SLC13A5: variants seen among roughly 807,000 people sequenced by gnomAD.
The protein encoded by SLC13A5 is Na(+)/citrate cotransporter.
A neutral mutation model predicts 56.5 loss-of-function variants in SLC13A5; 25 were observed. The ratio of observed to expected loss-of-function variants is 0.44; its 90% CI spans 0.32 to 0.62. The LOEUF (loss-of-function observed/expected upper bound fraction) is 0.62, where lower values mean the gene tolerates loss of function less well. SLC13A5 is among the 20% of genes least tolerant of loss of function. The pLI, the probability that SLC13A5 is intolerant of heterozygous loss-of-function variation, is 0.04. For synonymous variants in SLC13A5, 307 were observed against 301.5 expected (o/e 1.02, Z -0.19); for missense variants, 649 against 737.8 (o/e 0.88, Z 1.39).
At position 6,707,123 on chromosome 17, in the gene SLC13A5, C is replaced by T; in HGVS notation, c.136G>A (p.Ala46Thr). The T allele has an allele frequency of 6.2e-7, 1 of 1,613,998 alleles. No homozygotes were observed. Among genetic ancestry groups the T allele is most frequent in the East Asian group, 2.2e-5 (1 of 44,874 alleles). The stretch of plus-strand genomic sequence containing the variant: ...ATGACTTCTGTGCACCAGTAAATGG[C>T]CATGAGGATGATGACGTAGGCACAC... Reference protein sequence around the residue: ...VRCAYVIILMAIYWCTEVIPL... With the variant: ...VRCAYVIILMTIYWCTEVIPL... Residue 46 changes from alanine to threonine, a missense_variant, in exon 2 of 12, where the codon GCC becomes ACC. By Grantham distance (58) the Ala-to-Thr change is moderately conservative (BLOSUM62 0). Transcript: ENST00000433363.
chr17:6,700,702 C>G (rs745725357), intron 6 of SLC13A5, among the ~76,000 whole-genome samples: 4 of 152,126 alleles, frequency 2.6e-5, no homozygotes, highest in Non-Finnish European at 5.9e-5. Context: ...GCCCAGGGGC[C>G]GCTCAGAGAT....
intron 6 of SLC13A5, among the ~76,000 whole-genome samples, chr17:6,697,560 G>T (rs1973594255): frequency 6.6e-6 from 1 of 152,224 alleles, no homozygotes; most frequent in South Asian, 2.1e-4. Flanking sequence ...AGGGTCAGGG[G>T]TGGGGACCAC....
chr17:6,698,547 C>G (rs909132002), intron 6 of SLC13A5, among the ~76,000 whole-genome samples: 1 of 152,232 alleles, frequency 6.6e-6, no homozygotes, highest in Non-Finnish European at 1.5e-5. Flanking sequence ...AGGACAGCAA[C>G]CCTCAGCCTC....
At chr17:6,686,795 G>A (rs1375926670) in intron 11 of SLC13A5, 1 of 164,590 alleles carries the variant, frequency 6.1e-6, no homozygotes, top group African/African-American at 2.4e-5. Context: ...CTACCCTGTT[G>A]TAGATATTTT....
At chr17:6,702,156 C>T (rs1973731794) in intron 5 of SLC13A5, among the ~76,000 whole-genome samples, 1 of 152,216 alleles carries the variant, frequency 6.6e-6, no homozygotes, top group African/African-American at 2.4e-5. Context: ...GCCCACTGCC[C>T]TCCCCACCCC....
chr17:6,686,980 C>T (rs1478991595), intron 11 of SLC13A5: 1 of 160,242 alleles, frequency 6.2e-6, no homozygotes, highest in Non-Finnish European at 1.4e-5. Flanking sequence ...TTTCCCAGCC[C>T]AGAGCTGCAA....
chr17:6,704,342 G>C (rs1410282189), intron 3 of SLC13A5: 1 of 555,042 alleles, frequency 1.8e-6, no homozygotes, highest in Non-Finnish European at 3.4e-6. Flanking sequence ...ATCCAGTCGT[G>C]GTTCTAAGGA....
intron 2 of SLC13A5, 59 bp downstream of exon 2, chr17:6,706,969 C>A: frequency 6.2e-7 from 1 of 1,606,030 alleles, no homozygotes; most frequent in Non-Finnish European, 8.5e-7. Flanking sequence ...ACAGTGGGGA[C>A]TAGAGAAAGA....
intron 6 of SLC13A5, among the ~76,000 whole-genome samples, chr17:6,696,617 G>A (rs1973568313): frequency 6.6e-6 from 1 of 152,142 alleles, no homozygotes; most frequent in African/African-American, 2.4e-5. Flanking sequence ...GAGGAGGCAG[G>A]GAGGAGAGGA....
chr17:6,686,378 G>A (rs1973253471), intron 11 of SLC13A5, 40 bp from the exon 12 acceptor site: 1 of 1,612,554 alleles, frequency 6.2e-7, no homozygotes, highest in Non-Finnish European at 8.5e-7. Context: ...GGCCTGCTGG[G>A]GACTAGTGCT....
chr17:6,713,150 AGCTCAGG>A lies in SLC13A5; in HGVS notation c.102+75_102+81del. 1 of 1,417,860 alleles carries A rather than the reference AGCTCAGG, an allele frequency of 7.1e-7. No homozygotes were observed. The highest frequency in any genetic ancestry group is 9.8e-7 in the Non-Finnish European group (1 of 1,023,426). The allele number at this position is 1,417,860 out of a possible 1,614,324, so 87.8% of individuals were successfully genotyped here. A position where few individuals can be genotyped will look rare whatever the true frequency, so the allele number is the denominator to read the frequency against. On this transcript the variant is annotated intron_variant, in intron 1 of 11. Coordinates refer to ENST00000433363, the MANE Select transcript of SLC13A5 (RefSeq NM_177550.5). The surrounding 1 kb of genome is among the most constrained non-coding windows in gnomAD (Gnocchi z 7.3). ...GCTCCCCGCGAAATCCGTGCGCTCC[AGCTCAGG>A]GCTCCCGGGATCGGTGCCCGTTAGT... is the stretch of plus-strand genomic sequence containing the variant.
chr17:6,708,514 G>A (rs1973931753), intron 1 of SLC13A5, among the ~76,000 whole-genome samples: 1 of 152,164 alleles, frequency 6.6e-6, no homozygotes, highest in African/African-American at 2.4e-5. Context: ...ATTCCCATAG[G>A]CAAATTGCTA....
intron 1 of SLC13A5, among the ~76,000 whole-genome samples, chr17:6,708,091 A>G (rs111432132): frequency 1.3e-5 from 2 of 152,062 alleles, no homozygotes; most frequent in African/African-American, 4.8e-5. Context: ...TCCTGCCTCA[A>G]CCTCCGGAGT....
At chr17:6,707,337 T>C (rs1304315169) in intron 1 of SLC13A5, among the ~76,000 whole-genome samples, 181 bp from the exon 2 acceptor site, 6 of 152,122 alleles carry the variant, frequency 3.9e-5, no homozygotes, top group Admixed American at 3.3e-4. Context: ...AGGCCAGGGA[T>C]CTATTCGCAA....
chr17:6,709,871 G>GT, intron 1 of SLC13A5, among the ~76,000 whole-genome samples: 1 of 152,184 alleles, frequency 6.6e-6, no homozygotes, highest in African/African-American at 2.4e-5. Context: ...ATGCTTTGTT[G>GT]TGGGAGCTGT....
At chr17:6,709,565 G>A (rs963570635) in intron 1 of SLC13A5, among the ~76,000 whole-genome samples, 1 of 152,142 alleles carries the variant, frequency 6.6e-6, no homozygotes. Context: ...ACTGTGCCCG[G>A]CCATCTTTGC....
rs1974029142 is a variant in SLC13A5 at position 6,711,560 on chromosome 17, G to C, written c.102+1672C>G. Among the ~76,000 whole-genome samples the C allele has an allele frequency of 7.0e-6, 1 of 143,060 alleles. No individual in the cohort carries two copies. The highest frequency in any genetic ancestry group is 2.2e-4 in the South Asian group (1 of 4,528). 93.9% of individuals were successfully genotyped at this position (143,060 alleles called of 152,430 possible). Reference sequence around the variant, plus strand: ...GTGTGTTTTGTGTGTGTGTTTGTGTGTGTGTTTGTGTGTCTGTGTTTGTGT... The same window carrying C: ...GTGTGTTTTGTGTGTGTGTTTGTGTCTGTGTTTGTGTGTCTGTGTTTGTGT... On this transcript the variant is annotated intron_variant, in intron 1 of 11. Transcript: ENST00000433363. This position sits in a 1 kb window ranked among gnomAD's most constrained non-coding sequence, Gnocchi z 4.0.
In SLC13A5 at chr17:6,713,079, A is replaced by G. The variant is rs1275044350; in HGVS notation, c.102+153T>C. Among the ~76,000 whole-genome samples the G allele has an allele frequency of 4.6e-5, 7 of 152,098 alleles. No homozygotes were observed. In the East Asian group the frequency reaches 1.4e-3, roughly 29 times the overall value. Reference sequence around the variant, plus strand: ...TCAGATTCTTTACAGGGCACCTCCCATCCGGCACCTGGAGCTCCTGAGTGC... The same window carrying G: ...TCAGATTCTTTACAGGGCACCTCCCGTCCGGCACCTGGAGCTCCTGAGTGC... On this transcript the variant is annotated intron_variant, in intron 1 of 11. Transcript: ENST00000433363. The surrounding 1 kb of genome is among the most constrained non-coding windows in gnomAD (Gnocchi z 7.3).
At chr17:6,698,133 C>G (rs1973608458) in intron 6 of SLC13A5, among the ~76,000 whole-genome samples, 1 of 152,212 alleles carries the variant, frequency 6.6e-6, no homozygotes, top group Admixed American at 6.5e-5. Context: ...AGATCTGGAG[C>G]CAAAACAAAG....
Sources: allele counts gnomAD v4.1 joint callset (sites outside exome capture counted in the v4.1 genomes callset), GRCh38; gene constraint gnomAD v4.1.1; non-coding constraint Gnocchi (gnomAD v3.1); transcripts MANE v1.5; gene names NCBI Gene and HGNC (gene_info 2026-07-23, HGNC 2026-07-21).